SAP130: variants seen among roughly 807,000 people sequenced by gnomAD.
SAP130 encodes the protein histone deacetylase complex subunit SAP130.
A neutral mutation model predicts 103.2 loss-of-function variants in SAP130; 16 were observed. The ratio of observed to expected loss-of-function variants is 0.16; its 90% CI spans 0.10 to 0.24. The LOEUF (loss-of-function observed/expected upper bound fraction) is 0.24. Among genes scored for constraint, SAP130 ranks in the 10% least tolerant of loss-of-function variants. The pLI is 1.00. For missense variants in SAP130, 990 were observed against 1,359.7 expected, an observed-to-expected ratio of 0.73 and a Z score of 4.28; for synonymous variants, 477 against 497.0, an observed-to-expected ratio of 0.96 and a Z score of 0.53.
chr2:128,025,936 C>T (rs374176702), intron 2 of SAP130, among the ~76,000 whole-genome samples: 2 of 152,168 alleles, frequency 1.3e-5, no homozygotes, highest in African/African-American at 2.4e-5. Context: ...TATATTAATG[C>T]ATTTCAAAAA....
At chr2:128,002,617 A>G (rs1054428869) in intron 7 of SAP130, among the ~76,000 whole-genome samples, 4 of 152,180 alleles carry the variant, frequency 2.6e-5, no homozygotes, top group African/African-American at 7.2e-5. Context: ...CCCCAGAAAG[A>G]GCCCAAAAGC....
intron 15 of SAP130, among the ~76,000 whole-genome samples, chr2:127,970,986 T>C (rs1681047536): frequency 6.6e-6 from 1 of 152,036 alleles, no homozygotes; most frequent in South Asian, 2.1e-4. Flanking sequence ...GTTCTTATTC[T>C]GTCACTCAGG....
Position 127,953,819 on chromosome 2 carries a change from G to A in SAP130, c.2422+1167C>T, listed in dbSNP as rs2461435. On this transcript the variant is annotated intron_variant, in intron 16 of 20. Coordinates refer to ENST00000643581, the MANE Select transcript of SAP130 (RefSeq NM_001330301.2). The surrounding 1 kb of genome is among the most constrained non-coding windows in gnomAD (Gnocchi z 4.0). The stretch of plus-strand genomic sequence containing the variant: ...TACACACATTCCAGCCCTGGCTACA[G>A]CTTTCCTTATATTTTGTCCCTGCTT... 0.83 allele frequency among the ~76,000 whole-genome samples: 125,793 copies of A among 152,130 alleles called. 52,526 individuals carry two copies. Among genetic ancestry groups the A allele is most frequent in the Middle Eastern group, 0.88 (260 of 294 alleles).
At chr2:128,023,642 C>T (rs1246030150) in intron 2 of SAP130, among the ~76,000 whole-genome samples, 1 of 151,912 alleles carries the variant, frequency 6.6e-6, no homozygotes, top group Non-Finnish European at 1.5e-5. Context: ...TAGCCGGGCA[C>T]GGTGGTGGGC....
intron 15 of SAP130, among the ~76,000 whole-genome samples, chr2:127,968,512 G>C (rs1363868964): frequency 6.8e-6 from 1 of 146,448 alleles, no homozygotes; most frequent in African/African-American, 2.5e-5. Context: ...TGGGTGACAA[G>C]AGCAAAACTC....
chr2:127,947,764 CTGTGTGTGTG>C (rs1553500423), intron 18 of SAP130, among the ~76,000 whole-genome samples: 7 of 143,420 alleles, frequency 4.9e-5, no homozygotes, highest in African/African-American at 1.8e-4. Context: ...TTGTGTGTGT[CTGTGTGTGTG>C]TGTGTGTGTG....
At chr2:127,993,771 G>T (rs1355087084) in intron 11 of SAP130, among the ~76,000 whole-genome samples, 2 of 152,108 alleles carry the variant, frequency 1.3e-5, no homozygotes, top group Admixed American at 6.5e-5. Context: ...TAGAGACAGG[G>T]TCTTGCTATG....
intron 1 of SAP130, chr2:128,027,311 CT>C (rs1371634834): frequency 8.6e-7 from 1 of 1,158,702 alleles, no homozygotes; most frequent in African/African-American, 1.6e-5. Context: ...GAACCTGCCC[CT>C]GCCTCCCCCG....
rs200910830 is a variant in SAP130 at position 128,010,988 on chromosome 2, CAT to C, written c.745-597_745-596del. On this transcript the variant is annotated intron_variant, in intron 6 of 20. Transcript: ENST00000643581. ...AAAATCCCATTTTGATTGAACAGTA[CAT>C]GAGTCCCTCCTGTACAAATGTGATT... Among the ~76,000 whole-genome samples the C allele has an allele frequency of 2.6e-4, 37 of 144,834 alleles. No individual in the cohort carries two copies. In the East Asian group the frequency reaches 5.4e-3, roughly 21 times the overall value.
At chr2:128,010,725 G>A (rs1029952682) in intron 6 of SAP130, among the ~76,000 whole-genome samples, 2 of 152,044 alleles carry the variant, frequency 1.3e-5, no homozygotes, top group African/African-American at 4.8e-5. Flanking sequence ...TTAGCCGGGT[G>A]TGGTGGCACG....
chr2:127,999,670 C>G (rs1306455224), intron 10 of SAP130, 71 bp downstream of exon 10: 14 of 719,758 alleles, frequency 1.9e-5, no homozygotes, highest in Non-Finnish European at 3.1e-5. Context: ...CTAGCCATCA[C>G]CATGAAGGCC....
chr2:127,995,104 T>C (rs973397514), intron 11 of SAP130, among the ~76,000 whole-genome samples: 1 of 152,168 alleles, frequency 6.6e-6, no homozygotes, highest in Non-Finnish European at 1.5e-5. Context: ...GGGGAAGCGA[T>C]GGGGTTGAAC....
chr2:127,943,563 T>C (rs1313923618), intron 19 of SAP130, among the ~76,000 whole-genome samples: 1 of 152,248 alleles, frequency 6.6e-6, no homozygotes, highest in Non-Finnish European at 1.5e-5. Context: ...ATGTACACCA[T>C]GTTACTGCAA....
At chr2:128,010,580 C>T (rs570765047) in intron 6 of SAP130, among the ~76,000 whole-genome samples, 187 bp from the exon 7 acceptor site, 13 of 152,208 alleles carry the variant, frequency 8.5e-5, no homozygotes, top group Admixed American at 4.6e-4. Flanking sequence ...AGAGCCAGGC[C>T]GGGCACGGTG....
intron 6 of SAP130, among the ~76,000 whole-genome samples, chr2:128,010,818 C>G (rs900632724): frequency 6.6e-6 from 1 of 150,816 alleles, no homozygotes; most frequent in Non-Finnish European, 1.5e-5. Flanking sequence ...GAGCCAAGAC[C>G]GCACCATTGC....
intron 19 of SAP130, among the ~76,000 whole-genome samples, chr2:127,943,125 T>A (rs1196919189): frequency 6.6e-6 from 1 of 152,212 alleles, no homozygotes; most frequent in Middle Eastern, 3.2e-3. Context: ...AATCCACAAT[T>A]CTTCTGAAAC....
chr2:127,959,112 C>G (rs1046263754), intron 15 of SAP130, among the ~76,000 whole-genome samples: 6 of 152,028 alleles, frequency 3.9e-5, no homozygotes, highest in Admixed American at 2.6e-4. Context: ...CCAAGCACAA[C>G]GAGCTGCTGA....
At chr2:128,027,618 GCCGGCCGCCCGC>G (rs1430434939) in intron 1 of SAP130, among the ~76,000 whole-genome samples, 1 of 147,306 alleles carries the variant, frequency 6.8e-6, no homozygotes, top group Non-Finnish European at 1.5e-5. Context: ...AACTCCCTGG[GCCGGCCGCCCGC>G]CCGCCCGCCC....
chr2:128,000,557 G>C, intron 7 of SAP130, 103 bp from the exon 8 acceptor site: 13 of 1,331,340 alleles, frequency 9.8e-6, no homozygotes, highest in Non-Finnish European at 1.3e-5. Flanking sequence ...TATGAAGTTC[G>C]GAGTTAAACC....
Sources: allele counts gnomAD v4.1 joint callset (sites outside exome capture counted in the v4.1 genomes callset), GRCh38; gene constraint gnomAD v4.1.1; non-coding constraint Gnocchi (gnomAD v3.1); transcripts MANE v1.5; gene names NCBI Gene and HGNC (gene_info 2026-07-23, HGNC 2026-07-21).